The following PLCH1 variants were observed in gnomAD, a reference collection of about 807,000 sequenced individuals.
The protein encoded by PLCH1 is 1-phosphatidylinositol 4,5-bisphosphate phosphodiesterase eta-1.
A neutral mutation model predicts 126.7 loss-of-function variants in PLCH1; 60 were observed. That is an observed-to-expected ratio of 0.47 (90% CI 0.38 to 0.59). PLCH1 has a LOEUF of 0.59. Among genes scored for constraint, PLCH1 ranks in the 20% least tolerant of loss-of-function variants. The pLI is 0.00. For synonymous variants in PLCH1, 719 were observed against 734.9 expected (o/e 0.98, Z 0.35); for missense variants, 1,723 against 2,040.0 (o/e 0.84, Z 2.99).
intron 11 of PLCH1, among the ~76,000 whole-genome samples, chr3:155,521,672 G>A (rs1721122364): frequency 6.6e-6 from 1 of 152,160 alleles, no homozygotes; most frequent in Admixed American, 6.5e-5. Flanking sequence ...GGGCATTTGA[G>A]CCCTCTGCCA....
Position 155,704,199 on chromosome 3 carries a change from C to T in PLCH1, c.26G>A (p.Arg9Lys), listed in dbSNP as rs930404418. The T allele has an allele frequency of 6.5e-6, 8 of 1,229,820 alleles. No individual in the cohort carries two copies. Among genetic ancestry groups the T allele is most frequent in the Admixed American group, 4.2e-5 (1 of 23,690 alleles). The allele number at this position is 1,229,820 out of a possible 1,614,324, so 76.2% of individuals were successfully genotyped here. ...ATGCCTGCGGTACTGCACACAGTTC[C>T]TTTTTTCCAAGTTCCAGTAACTCAT... MSYWNLEK[R>K]NCVQYRRHFL... The change falls in exon 2 of 23, where the codon AGG (arginine) becomes AAG (lysine). Residue 9 changes from arginine to lysine, a missense_variant. Arg to Lys is a conservative substitution (Grantham distance 26). This residue lies in a region of PLCH1 where 776 missense variants were observed against 1,062.9 expected (regional missense o/e 0.73). Transcript: ENST00000460012.
At chr3:155,581,939 G>T (rs189354805) in intron 6 of PLCH1, among the ~76,000 whole-genome samples, 4 of 151,500 alleles carry the variant, frequency 2.6e-5, no homozygotes, top group South Asian at 2.1e-4. Flanking sequence ...AGTAGAGACC[G>T]GGTTTCTCCA....
rs754120555 is a variant in PLCH1 at position 155,481,908 on chromosome 3, G to A, written c.4118C>T (p.Thr1373Ile). ...LTTCEYRREG[T>I]SQLASPLKLK... ...TTTTAAAGGAGAAGCAAGTTGACTT[G>A]TGCCCTCTCTCCTATATTCACAGGT... The change falls in exon 23 of 23, where the codon ACA (threonine) becomes ATA (isoleucine). Residue 1373 changes from threonine (T) to isoleucine (I), a missense_variant. By Grantham distance (89) the Thr-to-Ile change is moderately conservative. This residue lies in a region of PLCH1 where 947 missense variants were observed against 977.1 expected (regional missense o/e 0.97). Transcript: ENST00000460012. This position sits in a 1 kb window ranked among gnomAD's most constrained non-coding sequence, Gnocchi z 4.2. 1.9e-6 allele frequency: 3 copies of A among 1,614,096 alleles called. No homozygotes were observed. Among genetic ancestry groups the A allele is most frequent in the East Asian group, 4.5e-5 (2 of 44,890 alleles).
chr3:155,599,720 A>C (rs1733475781), intron 2 of PLCH1, among the ~76,000 whole-genome samples: 1 of 152,170 alleles, frequency 6.6e-6, no homozygotes, highest in Non-Finnish European at 1.5e-5. Flanking sequence ...ACAGGAAAAC[A>C]AATTGTTTAC....
chr3:155,696,625 G>C (rs1745828640), intron 2 of PLCH1, among the ~76,000 whole-genome samples: 2 of 152,170 alleles, frequency 1.3e-5, no homozygotes, highest in Non-Finnish European at 2.9e-5. Context: ...ACAGGTCTAA[G>C]GGGAAATAAT....
intron 2 of PLCH1, among the ~76,000 whole-genome samples, chr3:155,695,631 T>C (rs755252874): frequency 1.3e-5 from 2 of 152,282 alleles, no homozygotes; most frequent in Non-Finnish European, 2.9e-5. Context: ...CTCCTGGACC[T>C]TGGGTTGGAG....
chr3:155,451,102 A>G (rs1712297156), intron 21 of PLCH1, among the ~76,000 whole-genome samples: 3 of 152,140 alleles, frequency 2.0e-5, no homozygotes, highest in Admixed American at 2.0e-4. Flanking sequence ...CCCCCAAAAT[A>G]AAAAATATAT....
chr3:155,584,586 T>A (rs1417668738), intron 5 of PLCH1, among the ~76,000 whole-genome samples: 1 of 152,240 alleles, frequency 6.6e-6, no homozygotes, highest in Non-Finnish European at 1.5e-5. Flanking sequence ...GACCCACTTA[T>A]GTGCTCTTCT....
At chr3:155,675,937 G>A in intron 2 of PLCH1, 1 of 858,454 alleles carries the variant, frequency 1.2e-6, no homozygotes, top group Non-Finnish European at 1.8e-6. Flanking sequence ...TAAAATAAAT[G>A]TTTACCATCT....
chr3:155,648,448 C>T (rs1740306274), intron 2 of PLCH1, among the ~76,000 whole-genome samples: 1 of 152,178 alleles, frequency 6.6e-6, no homozygotes, highest in African/African-American at 2.4e-5. Context: ...GGAAAAAAGA[C>T]TCTTCCCCTT....
chr3:155,694,952 C>CTTT (rs201292066), intron 2 of PLCH1, among the ~76,000 whole-genome samples: 18,927 of 114,906 alleles, frequency 0.16, 1,982 homozygotes, highest in East Asian at 0.37. Flanking sequence ...AAAGCTAGTG[C>CTTT]TTTTTTTTTT....
chr3:155,710,506 A>C (rs1309261118), intron 1 of PLCH1, among the ~76,000 whole-genome samples: 1 of 152,210 alleles, frequency 6.6e-6, no homozygotes, highest in African/African-American at 2.4e-5. Flanking sequence ...TGAATAAGGA[A>C]CACCATATAA....
intron 1 of PLCH1, among the ~76,000 whole-genome samples, chr3:155,727,307 C>T (rs1748408389): frequency 6.7e-6 from 1 of 150,268 alleles, no homozygotes; most frequent in Admixed American, 6.6e-5. Context: ...TCTCTGTAGT[C>T]TGAGATAAAA....
intron 2 of PLCH1, among the ~76,000 whole-genome samples, chr3:155,630,304 C>A (rs1030670496): frequency 1.3e-5 from 2 of 152,184 alleles, no homozygotes; most frequent in Non-Finnish European, 2.9e-5. Flanking sequence ...AAGCTAAGAT[C>A]TGATGAAGAG....
chr3:155,686,995 A>G (rs1339703603), intron 2 of PLCH1, among the ~76,000 whole-genome samples: 1 of 152,228 alleles, frequency 6.6e-6, no homozygotes, highest in African/African-American at 2.4e-5. Context: ...CTGTACACAT[A>G]AGGCAATAAA....
At chr3:155,679,903 A>T (rs1744376001) in intron 2 of PLCH1, among the ~76,000 whole-genome samples, 1 of 151,844 alleles carries the variant, frequency 6.6e-6, no homozygotes, top group South Asian at 2.1e-4. Context: ...ACCCAAGCTG[A>T]CTCCAGATTT....
At chr3:155,712,844 T>A (rs1029824575) in intron 1 of PLCH1, among the ~76,000 whole-genome samples, 6 of 151,754 alleles carry the variant, frequency 4.0e-5, no homozygotes, top group African/African-American at 1.5e-4. Flanking sequence ...CGTCTCCACC[T>A]CTTTCTCTCT....
At chr3:155,627,659 A>T (rs1304210494) in intron 2 of PLCH1, among the ~76,000 whole-genome samples, 1 of 152,150 alleles carries the variant, frequency 6.6e-6, no homozygotes, top group Admixed American at 6.5e-5. Context: ...AATTGAAAAA[A>T]ATCTAAATGT....
chr3:155,467,149 G>T (rs1251345235), intron 21 of PLCH1, among the ~76,000 whole-genome samples: 1 of 151,234 alleles, frequency 6.6e-6, no homozygotes, highest in East Asian at 1.9e-4. Context: ...AAAGGTTATA[G>T]AACACCAAGC....
Sources: gnomAD v4.1 joint callset for allele counts (sites outside exome capture counted in the v4.1 genomes callset) on GRCh38, gnomAD v4.1.1 for gene constraint, gnomAD v4.1.1 regional missense constraint, Gnocchi (gnomAD v3.1) non-coding constraint, MANE v1.5 for transcripts, NCBI Gene and HGNC (gene_info 2026-07-23, HGNC 2026-07-21) for gene names.